Variants in DPY19L1 observed in about 807,000 individuals in gnomAD.
DPY19L1 encodes the protein dpy-19 like C-mannosyltransferase 1.
A neutral mutation model predicts 96.9 loss-of-function variants in DPY19L1; 35 were observed. The observed-to-expected ratio is 0.36, with a 90% CI of 0.28 to 0.48. The LOEUF is 0.48. Among genes scored for constraint, DPY19L1 ranks in the 20% least tolerant of loss-of-function variants. The pLI, the probability that DPY19L1 is intolerant of heterozygous loss-of-function variation, is 0.99. For synonymous variants in DPY19L1, 205 were observed against 252.6 expected, an observed-to-expected ratio of 0.81 and a Z score of 1.79; for missense variants, 521 against 777.9, an observed-to-expected ratio of 0.67 and a Z score of 3.93.
chr7:34,981,999 C>T (rs940650192), intron 7 of DPY19L1, among the ~76,000 whole-genome samples: 5 of 152,006 alleles, frequency 3.3e-5, no homozygotes, highest in African/African-American at 9.7e-5. Context: ...AATCTATTAA[C>T]GAGGAAACAA....
intron 17 of DPY19L1, among the ~76,000 whole-genome samples, chr7:34,942,253 G>C (rs906850419): frequency 2.6e-5 from 4 of 152,086 alleles, no homozygotes; most frequent in Non-Finnish European, 4.4e-5. Flanking sequence ...AACCAGACTG[G>C]ACAACTAGGA....
chr7:34,951,701 G>A (rs748843911), intron 13 of DPY19L1, among the ~76,000 whole-genome samples: 7 of 151,504 alleles, frequency 4.6e-5, no homozygotes, highest in Non-Finnish European at 1.0e-4. Context: ...TGGTGACAAA[G>A]AGAAACACAA....
chr7:34,932,791 TA>T (rs1038127437), intron 21 of DPY19L1, among the ~76,000 whole-genome samples: 1 of 152,190 alleles, frequency 6.6e-6, no homozygotes, highest in African/African-American at 2.4e-5. Flanking sequence ...TGAGGAATTT[TA>T]AAAAACAGAA....
intron 21 of DPY19L1, among the ~76,000 whole-genome samples, chr7:34,937,085 C>G (rs1783884163): frequency 6.6e-6 from 1 of 152,222 alleles, no homozygotes; most frequent in Non-Finnish European, 1.5e-5. Context: ...CTACTGTCAC[C>G]TGGTGTCCAG....
chr7:34,966,897 G>A lies in DPY19L1; in HGVS notation c.1089C>T (p.His363=). 1 of 1,525,474 alleles carries A rather than the reference G, an allele frequency of 6.6e-7. No homozygotes were observed. The highest frequency in any genetic ancestry group is 8.8e-7 in the Non-Finnish European group (1 of 1,135,074). The allele number at this position is 1,525,474 out of a possible 1,614,324, so 94.5% of individuals were successfully genotyped here. The stretch of plus-strand genomic sequence containing the variant: ...AAGAACAATAAAAAATTATTACCAT[G>A]TGTATATAAATGATCTTCCGTAATT... The part of the protein sequence containing the change: ...ICKLRKIIYI[H]MISLALCFVL... Residue 363 remains histidine, a synonymous_variant, in exon 10 of 22, where the codon CAC becomes CAT. Transcript: ENST00000638088.
At chr7:34,984,840 A>G (rs1200322663) in intron 7 of DPY19L1, among the ~76,000 whole-genome samples, 1 of 152,024 alleles carries the variant, frequency 6.6e-6, no homozygotes, top group African/African-American at 2.4e-5. Context: ...CCAATTATTA[A>G]CTGTCTGACC....
intron 7 of DPY19L1, among the ~76,000 whole-genome samples, chr7:34,987,223 A>T (rs2128671563): frequency 6.6e-6 from 1 of 152,198 alleles, no homozygotes; most frequent in Non-Finnish European, 1.5e-5. Context: ...AAAAATTCTC[A>T]ATTGTGACTG....
At chr7:35,024,370 T>C (rs1364475287) in intron 1 of DPY19L1, among the ~76,000 whole-genome samples, 2 of 152,208 alleles carry the variant, frequency 1.3e-5, no homozygotes, top group Non-Finnish European at 2.9e-5. Context: ...TTCCAATCCC[T>C]TCCTAACATT....
At position 34,931,297 on chromosome 7, in the gene DPY19L1, G is replaced by T. The variant is rs1186717; in HGVS notation, c.*276C>A. ...AACCCACTGTGTTTTCTTTATACAGGTAGCTTTGCTCACTTTAGCACAAAT... is the reference window on the plus strand; with the variant it reads ...AACCCACTGTGTTTTCTTTATACAGTTAGCTTTGCTCACTTTAGCACAAAT... On this transcript the variant is annotated 3_prime_UTR_variant, in exon 22 of 22. Coordinates refer to ENST00000638088, the MANE Select transcript of DPY19L1 (RefSeq NM_001366673.1). The T allele has an allele frequency of 0.28, 68,527 of 241,172 alleles. 10,311 individuals are homozygous for T. The highest frequency in any genetic ancestry group is 0.33 in the Non-Finnish European group (42,094 of 128,540). 14.9% of individuals were successfully genotyped at this position (241,172 alleles called of 1,614,324 possible). A position where few individuals can be genotyped will look rare whatever the true frequency, so the allele number is the denominator to read the frequency against.
intron 1 of DPY19L1, among the ~76,000 whole-genome samples, chr7:35,029,153 C>G (rs1409035179): frequency 6.6e-6 from 1 of 152,202 alleles, no homozygotes; most frequent in Non-Finnish European, 1.5e-5. Context: ...TTTTACTCAG[C>G]CTCCATTCGA....
At chr7:35,018,889 A>G (rs951133260) in intron 1 of DPY19L1, among the ~76,000 whole-genome samples, 3 of 152,182 alleles carry the variant, frequency 2.0e-5, no homozygotes, top group African/African-American at 7.2e-5. Context: ...GAACTGAGAG[A>G]GGAATGGAAT....
At chr7:35,022,172 A>G (rs1164979948) in intron 1 of DPY19L1, among the ~76,000 whole-genome samples, 1 of 152,192 alleles carries the variant, frequency 6.6e-6, no homozygotes, top group South Asian at 2.1e-4. Context: ...AACAAAATTG[A>G]TAATCCATTT....
At chr7:34,990,440 A>C (rs1562818683) in intron 6 of DPY19L1, among the ~76,000 whole-genome samples, 1 of 152,212 alleles carries the variant, frequency 6.6e-6, no homozygotes, top group Non-Finnish European at 1.5e-5. Flanking sequence ...ACTTCCACAC[A>C]TTAAAGATTT....
chr7:35,033,924 C>T (rs1786324996), intron 1 of DPY19L1, among the ~76,000 whole-genome samples: 1 of 151,816 alleles, frequency 6.6e-6, no homozygotes, highest in South Asian at 2.1e-4. Flanking sequence ...AGGTGGAGGC[C>T]AAGGATGCTG....
At chr7:34,970,833 A>G (rs1784710280) in intron 8 of DPY19L1, among the ~76,000 whole-genome samples, 1 of 145,926 alleles carries the variant, frequency 6.9e-6, no homozygotes, top group Non-Finnish European at 1.5e-5. Flanking sequence ...AAACATAAAT[A>G]TTGCCAAGAA....
rs1784473904 is a variant in DPY19L1 at position 34,960,205 on chromosome 7, T to C, written c.1093-2135A>G. 3.3e-5 allele frequency among the ~76,000 whole-genome samples: 5 copies of C among 151,678 alleles called. No homozygotes were observed. In the South Asian group the frequency reaches 1.0e-3, roughly 31 times the overall value. ...GAATTTCAGAATCAACTTATTAAGC[T>C]TCAAAAACTAAAATTTTAATTAAAA... On this transcript the variant is annotated intron_variant, in intron 10 of 21. Coordinates refer to ENST00000638088, the MANE Select transcript of DPY19L1 (RefSeq NM_001366673.1).
chr7:34,997,429 A>T (rs1785313100), intron 6 of DPY19L1, among the ~76,000 whole-genome samples: 1 of 97,582 alleles, frequency 1.0e-5, no homozygotes, highest in South Asian at 3.8e-4. Flanking sequence ...CGTCTCTACT[A>T]AAAATACAAA....
rs538074233 is a variant in DPY19L1, at chr7:34,962,987, G to C, written c.1092+3907C>G. Among the ~76,000 whole-genome samples the C allele has an allele frequency of 1.8e-4, 27 of 152,038 alleles. No homozygotes were observed. The South Asian group carries it at 5.2e-3, about 29-fold the overall frequency. On this transcript the variant is annotated intron_variant, in intron 10 of 21. Transcript: ENST00000638088. ...AGGTGGGCAGATCACATGAGATCAG[G>C]AGTTCAAGACCAGCCTGGCCAACAT...
intron 13 of DPY19L1, among the ~76,000 whole-genome samples, chr7:34,952,132 A>C (rs1048260306): frequency 3.0e-5 from 4 of 133,818 alleles, no homozygotes; most frequent in South Asian, 2.4e-4. Flanking sequence ...AAGACCACAA[A>C]AAAAAAACCC....
Sources: gnomAD v4.1 joint callset for allele counts (sites outside exome capture counted in the v4.1 genomes callset) on GRCh38, gnomAD v4.1.1 for gene constraint, MANE v1.5 for transcripts, NCBI Gene and HGNC (gene_info 2026-07-23, HGNC 2026-07-21) for gene names.